Variants in FAM185A observed in about 807,000 individuals in gnomAD.
FAM185A encodes the protein protein FAM185A.
FAM185A carries 21 observed loss-of-function variants against 45.7 expected under a neutral mutation model. That is an observed-to-expected ratio of 0.46 (90% confidence interval 0.33 to 0.66). The LOEUF is 0.66. Among genes scored for constraint, FAM185A ranks in the 30% least tolerant of loss-of-function variants. FAM185A has a pLI of 0.03. For missense variants in FAM185A, 305 were observed against 485.4 expected (o/e 0.63, Z 3.49); for synonymous variants, 117 against 194.0 (o/e 0.60, Z 3.30).
intron 7 of FAM185A, among the ~76,000 whole-genome samples, chr7:102,803,619 AACAAG>A (rs1796928550): frequency 2.0e-5 from 3 of 152,060 alleles, no homozygotes; most frequent in African/African-American, 7.2e-5. Context: ...TGAGAAATGA[AACAAG>A]ACAAGGATGC....
chr7:102,813,129 C>T (rs1201826658), downstream of FAM185A: 8 of 512,608 alleles, frequency 1.6e-5, no homozygotes, highest in East Asian at 7.3e-5. Flanking sequence ...TGTGAGCCAC[C>T]GCTCCTGGCC....
the FAM185A span, chr7:102,821,925 G>C: frequency 8.5e-7 from 1 of 1,172,376 alleles, no homozygotes; most frequent in Non-Finnish European, 1.2e-6. Flanking sequence ...AAAATAAAAT[G>C]AAATGAAACT....
At chr7:102,785,922 A>C (rs1390054482) in intron 6 of FAM185A, among the ~76,000 whole-genome samples, 1 of 152,242 alleles carries the variant, frequency 6.6e-6, no homozygotes, top group Non-Finnish European at 1.5e-5. Flanking sequence ...ATTTTTTGCA[A>C]TCTACTCTTC....
chr7:102,802,436 A>G (rs1378840344), intron 7 of FAM185A, among the ~76,000 whole-genome samples: 1 of 152,218 alleles, frequency 6.6e-6, no homozygotes, highest in Non-Finnish European at 1.5e-5. Context: ...CTGCACCTGA[A>G]TGATCACTGG....
At chr7:102,840,141 G>C in the FAM185A span, among the ~76,000 whole-genome samples, 1 of 152,316 alleles carries the variant, frequency 6.6e-6, no homozygotes, top group Non-Finnish European at 1.5e-5. Flanking sequence ...GGTAAGCAGT[G>C]AAAGAGAATG....
At chr7:102,798,371 G>A (rs1232602197) in intron 7 of FAM185A, among the ~76,000 whole-genome samples, 5 of 152,150 alleles carry the variant, frequency 3.3e-5, no homozygotes, top group Non-Finnish European at 7.4e-5. Flanking sequence ...TTACTTATTG[G>A]CAAGATAGAG....
At chr7:102,828,546 G>A in the FAM185A span, among the ~76,000 whole-genome samples, 1 of 152,174 alleles carries the variant, frequency 6.6e-6, no homozygotes, top group Admixed American at 6.5e-5. Context: ...TACATTATAA[G>A]TCTGTAGAAT....
chr7:102,842,356 A>G, the FAM185A span, among the ~76,000 whole-genome samples: 575 of 152,312 alleles, frequency 3.8e-3, 5 homozygotes, highest in African/African-American at 0.014. Context: ...ATCAATGTTG[A>G]GTTCTTTAAA....
intron 7 of FAM185A, among the ~76,000 whole-genome samples, chr7:102,798,706 G>A (rs1303065526): frequency 3.3e-5 from 5 of 152,032 alleles, no homozygotes; most frequent in Non-Finnish European, 7.4e-5. Flanking sequence ...AGGATTTCCT[G>A]TTCTTTCCTC....
At chr7:102,829,735 C>A in the FAM185A span, among the ~76,000 whole-genome samples, 1 of 152,072 alleles carries the variant, frequency 6.6e-6, no homozygotes, top group Non-Finnish European at 1.5e-5. Flanking sequence ...AAGGAAAAGC[C>A]GGCCTTTCTG....
the FAM185A span, chr7:102,822,443 T>C: frequency 1.6e-6 from 1 of 636,070 alleles, no homozygotes; most frequent in Non-Finnish European, 2.9e-6. Context: ...CTTGCTATCT[T>C]CTCACATGGC....
chr7:102,797,125 G>A (rs1218125509), intron 7 of FAM185A, among the ~76,000 whole-genome samples: 2 of 152,154 alleles, frequency 1.3e-5, no homozygotes, highest in East Asian at 3.8e-4. Context: ...TCTTGTCAAG[G>A]TATCTTGGGT....
the FAM185A span, among the ~76,000 whole-genome samples, chr7:102,833,790 C>A: frequency 6.6e-6 from 1 of 151,824 alleles, no homozygotes; most frequent in Non-Finnish European, 1.5e-5. Context: ...GAAATGTTCA[C>A]CTGAAATATC....
chr7:102,848,517 C>T, the FAM185A span, among the ~76,000 whole-genome samples: 4 of 37,614 alleles, frequency 1.1e-4, no homozygotes, highest in African/African-American at 1.0e-3. Context: ...GATTGCGCCA[C>T]TGCACTCCAG....
At chr7:102,807,510 T>C (rs938537537) in intron 7 of FAM185A, among the ~76,000 whole-genome samples, 6 of 151,994 alleles carry the variant, frequency 3.9e-5, no homozygotes, top group Non-Finnish European at 7.4e-5. Flanking sequence ...ATCTTCAGAT[T>C]AGGGATGCTC....
At chr7:102,781,223 C>T (rs1381317475) in intron 6 of FAM185A, among the ~76,000 whole-genome samples, 2 of 152,328 alleles carry the variant, frequency 1.3e-5, no homozygotes, top group Non-Finnish European at 2.9e-5. Flanking sequence ...CCTCTGTAGA[C>T]TCCACATCTG....
At chr7:102,782,217 A>G (rs1037789436) in intron 6 of FAM185A, among the ~76,000 whole-genome samples, 10 of 152,202 alleles carry the variant, frequency 6.6e-5, no homozygotes, top group African/African-American at 2.2e-4. Flanking sequence ...CCAAGTTGGA[A>G]AACACTCTGC....
At chr7:102,827,328 C>T in the FAM185A span, among the ~76,000 whole-genome samples, 2 of 152,274 alleles carry the variant, frequency 1.3e-5, no homozygotes, top group Non-Finnish European at 2.9e-5. Flanking sequence ...CCTTGGGCAA[C>T]CCTGGGGCCA....
chr7:102,814,692 G>A, the FAM185A span, among the ~76,000 whole-genome samples: 1 of 152,162 alleles, frequency 6.6e-6, no homozygotes, highest in South Asian at 2.1e-4. Flanking sequence ...TTCCTAGTTT[G>A]GAGCCACCAA....
Sources: allele counts gnomAD v4.1 joint callset (sites outside exome capture counted in the v4.1 genomes callset), GRCh38; gene constraint gnomAD v4.1.1; transcripts MANE v1.5; gene names NCBI Gene and HGNC (gene_info 2026-07-23, HGNC 2026-07-21).